The following AFF3 variants were observed in gnomAD, a reference collection of about 807,000 sequenced individuals.
AFF3 encodes ALF transcription elongation factor 3.
Under a neutral mutation model 129.7 loss-of-function variants are expected in AFF3, and 32 were observed. That is an observed-to-expected ratio of 0.25 (90% confidence interval 0.19 to 0.33). The LOEUF (loss-of-function observed/expected upper bound fraction) is 0.33, where lower values mean the gene tolerates loss of function less well. Ranked by LOEUF, AFF3 falls within the 10% of genes least tolerant of loss-of-function variation. The pLI, the probability that AFF3 is intolerant of heterozygous loss-of-function variation, is 1.00. For synonymous variants in AFF3, 644 were observed against 635.4 expected (o/e 1.01, Z -0.20); for missense variants, 1,373 against 1,592.0 (o/e 0.86, Z 2.34).
At chr2:99,604,638 G>A (rs1048420628) in intron 13 of AFF3, among the ~76,000 whole-genome samples, 4 of 152,030 alleles carry the variant, frequency 2.6e-5, no homozygotes, top group South Asian at 2.1e-4. Flanking sequence ...TAAAAAAATC[G>A]TTTTTTGGTA....
chr2:99,759,082 C>G (rs960575356), intron 8 of AFF3, among the ~76,000 whole-genome samples: 2 of 152,212 alleles, frequency 1.3e-5, no homozygotes, highest in African/African-American at 2.4e-5. Context: ...AGGCTCATCT[C>G]AAACATCATT....
At chr2:99,576,348 CAAA>C (rs59639748) in intron 18 of AFF3, among the ~76,000 whole-genome samples, 1 of 103,308 alleles carries the variant, frequency 9.7e-6, no homozygotes, top group Non-Finnish European at 2.2e-5. Context: ...GCTTTTTCTA[CAAA>C]AAAAAAAAAA....
At position 99,593,866 on chromosome 2, in the gene AFF3, C is replaced by G. The variant is rs753864117; in HGVS notation, c.1795G>C (p.Gly599Arg). The change falls in exon 15 of 25, where the codon GGC becomes CGC. Residue 599 changes from glycine (G) to arginine (R), a missense_variant. Physicochemically the swap from Gly to Arg is moderately radical, Grantham distance 125. Transcript: ENST00000672756. The part of the protein sequence containing the change: ...RRTERTSAGD[G>R]ANCHRPEEPA... The stretch of plus-strand genomic sequence containing the variant: ...TCCTCGGGCCGGTGGCAGTTGGCGC[C>G]GTCCCCGGCTGAGGTCCTCTCGGTG... 7 of 1,569,258 alleles carry G rather than the reference C, an allele frequency of 4.5e-6. No individual in the cohort carries two copies. The highest frequency in any genetic ancestry group is 6.0e-6 in the Non-Finnish European group (7 of 1,162,272).
At chr2:99,883,824 T>G (rs188492379) in intron 7 of AFF3, among the ~76,000 whole-genome samples, 4 of 151,512 alleles carry the variant, frequency 2.6e-5, no homozygotes, top group Non-Finnish European at 5.9e-5. Context: ...GAATTATTAT[T>G]ATACATTTCA....
intron 7 of AFF3, among the ~76,000 whole-genome samples, chr2:99,966,689 C>CG (rs1677802393): frequency 2.7e-5 from 1 of 36,684 alleles, no homozygotes; most frequent in Non-Finnish European, 5.4e-5. Context: ...GACTCCGTCT[C>CG]AAAAAAAAAA....
intron 7 of AFF3, among the ~76,000 whole-genome samples, chr2:99,943,690 A>C (rs1335666375): frequency 1.3e-5 from 2 of 152,150 alleles, no homozygotes; most frequent in Non-Finnish European, 2.9e-5. Flanking sequence ...CTGTTGATCT[A>C]CTTCTAGTGA....
intron 8 of AFF3, among the ~76,000 whole-genome samples, chr2:99,787,482 C>T (rs745833009): frequency 6.6e-6 from 1 of 152,198 alleles, no homozygotes; most frequent in South Asian, 2.1e-4. Flanking sequence ...GTGCATGAGG[C>T]TTTAAGGCGA....
intron 4 of AFF3, among the ~76,000 whole-genome samples, chr2:100,039,132 A>C (rs1255432114): frequency 1.3e-5 from 2 of 152,200 alleles, no homozygotes; most frequent in African/African-American, 2.4e-5. Context: ...TAGTTAAGTG[A>C]AATACCAACT....
intron 8 of AFF3, among the ~76,000 whole-genome samples, chr2:99,789,760 G>T (rs1685066791): frequency 6.6e-6 from 1 of 152,210 alleles, no homozygotes; most frequent in African/African-American, 2.4e-5. Flanking sequence ...TCCATGGGAA[G>T]TTACAGACCT....
chr2:99,812,622 T>C (rs563135126), intron 8 of AFF3, among the ~76,000 whole-genome samples: 123 of 152,330 alleles, frequency 8.1e-4, no homozygotes, highest in African/African-American at 2.9e-3. Flanking sequence ...TGACTCCCTT[T>C]CTTAATTGTC....
At chr2:99,791,868 G>C (rs1685217909) in intron 8 of AFF3, among the ~76,000 whole-genome samples, 1 of 151,112 alleles carries the variant, frequency 6.6e-6, no homozygotes, top group African/African-American at 2.4e-5. Flanking sequence ...ATGGACCCCA[G>C]GCATCGTGCT....
chr2:99,689,439 C>T (rs775508316), intron 11 of AFF3, among the ~76,000 whole-genome samples: 14 of 152,104 alleles, frequency 9.2e-5, no homozygotes, highest in Admixed American at 2.6e-4. Flanking sequence ...TCAAAGACCA[C>T]CCCAAAGGGC....
intron 7 of AFF3, among the ~76,000 whole-genome samples, chr2:99,997,481 C>T (rs375044436): frequency 6.6e-6 from 1 of 151,830 alleles, no homozygotes; most frequent in Non-Finnish European, 1.5e-5. Flanking sequence ...TATCACCCCC[C>T]CCCCAGATTA....
intron 7 of AFF3, among the ~76,000 whole-genome samples, chr2:99,876,271 C>A (rs2105989206): frequency 6.6e-6 from 1 of 152,304 alleles, no homozygotes; most frequent in East Asian, 1.9e-4. Context: ...TATCCAACCG[C>A]CTAGCTGATA....
intron 7 of AFF3, among the ~76,000 whole-genome samples, chr2:99,982,799 TA>T (rs1303322899): frequency 6.6e-6 from 1 of 152,236 alleles, no homozygotes; most frequent in Admixed American, 6.5e-5. Flanking sequence ...AATTATGATT[TA>T]AAAAAATACA....
At position 99,640,009 on chromosome 2, in the gene AFF3, G is replaced by A. The variant is rs866889913; in HGVS notation, c.1184+9617C>T. On this transcript the variant is annotated intron_variant, in intron 13 of 24. Coordinates refer to ENST00000672756, the MANE Select transcript of AFF3 (RefSeq NM_001386135.1). ...AGGATGACTTTTTTCCGTGAGTAAA[G>A]TAAAAAGACAATGTGGCAGAAACAG... 2.8e-4 allele frequency among the ~76,000 whole-genome samples: 42 copies of A among 152,094 alleles called. 1 individual carries two copies. The highest frequency in any genetic ancestry group is 9.4e-4 in the African/African-American group (39 of 41,438).
intron 11 of AFF3, among the ~76,000 whole-genome samples, chr2:99,703,751 A>G (rs1464928740): frequency 2.6e-5 from 4 of 151,336 alleles, no homozygotes; most frequent in African/African-American, 4.9e-5. Flanking sequence ...GCTGGAGTGC[A>G]GTGGCATGAT....
At chr2:99,712,986 G>C (rs1159755125) in intron 11 of AFF3, among the ~76,000 whole-genome samples, 1 of 152,164 alleles carries the variant, frequency 6.6e-6, no homozygotes, top group East Asian at 1.9e-4. Flanking sequence ...AGCCAGACAC[G>C]CAAGGACAAA....
rs534065765 is a variant in AFF3 at position 100,007,206 on chromosome 2, T to A, written c.429A>T (p.Arg143Ser). The A allele has an allele frequency of 6.2e-7, 1 of 1,614,154 alleles. No individual in the cohort carries two copies. Among genetic ancestry groups the A allele is most frequent in the South Asian group, 1.1e-5 (1 of 91,078 alleles). Residue 143 changes from arginine to serine, a missense_variant, in exon 6 of 25, where the codon AGA (arginine) becomes AGT (serine). By Grantham distance (110) the Arg-to-Ser change is moderately radical. This residue lies in a region of AFF3 where 255 missense variants were observed against 256.0 expected (regional missense o/e 1.00). Coordinates refer to ENST00000672756, the MANE Select transcript of AFF3 (RefSeq NM_001386135.1). Reference sequence around the variant, plus strand: ...CAGCCTTCTGCCAGCCCATAGTGCCTCTCTTACTCTGCTGCACGGGGACAG... The same window carrying A: ...CAGCCTTCTGCCAGCCCATAGTGCCACTCTTACTCTGCTGCACGGGGACAG... ...PAAVPVQQSK[R>S]GTMGWQKAGH...
Sources: allele counts gnomAD v4.1 joint callset (sites outside exome capture counted in the v4.1 genomes callset), GRCh38; gene constraint gnomAD v4.1.1; regional missense constraint gnomAD v4.1.1; transcripts MANE v1.5; gene names NCBI Gene and HGNC (gene_info 2026-07-23, HGNC 2026-07-21).